Variants in RBMS1 observed in about 807,000 individuals in gnomAD.
RBMS1 encodes RNA-binding motif, single-stranded-interacting protein 1.
Under a neutral mutation model 62.3 loss-of-function variants are expected in RBMS1, and 17 were observed. The observed-to-expected ratio is 0.27, with a 90% confidence interval of 0.19 to 0.41. The LOEUF (loss-of-function observed/expected upper bound fraction) is 0.41. RBMS1 is among the 10% of genes least tolerant of loss of function. RBMS1 has a pLI of 1.00. For synonymous variants in RBMS1, 172 were observed against 170.0 expected (o/e 1.01, Z -0.09); for missense variants, 334 against 504.5 (o/e 0.66, Z 3.24).
At chr2:160,317,832 TC>T (rs1245167647) in intron 3 of RBMS1, among the ~76,000 whole-genome samples, 1 of 152,224 alleles carries the variant, frequency 6.6e-6, no homozygotes, top group East Asian at 1.9e-4. Context: ...AGTAAGCAGC[TC>T]TAATCTCCTC....
intron 1 of RBMS1, among the ~76,000 whole-genome samples, chr2:160,396,550 C>CTTTTTTTTTTTTT (rs59600753): frequency 5.0e-4 from 39 of 77,852 alleles, no homozygotes; most frequent in Non-Finnish European, 6.1e-4. Context: ...TTCTTTTTAT[C>CTTTTTTTTTTTTT]TTTTTTTTTT....
intron 3 of RBMS1, 128 bp from the exon 4 acceptor site, chr2:160,313,375 G>A (rs952327018): frequency 2.0e-5 from 16 of 807,766 alleles, no homozygotes; most frequent in South Asian, 1.1e-4. Context: ...GAGCTCAGGC[G>A]TTAACAGCTG....
intron 1 of RBMS1, among the ~76,000 whole-genome samples, chr2:160,486,419 G>C (rs773782500): frequency 6.6e-6 from 1 of 152,076 alleles, no homozygotes; most frequent in Non-Finnish European, 1.5e-5. Context: ...AATGGGTCTG[G>C]GAAGATGATG....
In RBMS1 at chr2:160,361,332, CA is replaced by C. The variant is rs1363524958; in HGVS notation, c.251+5883del. ...ACTACAAATCAGGGAGAGCCATTACCAAATCTTGCACACCTATGCTATTTGT... is the reference window on the plus strand; with the variant it reads ...ACTACAAATCAGGGAGAGCCATTACCAATCTTGCACACCTATGCTATTTGT... On this transcript the variant is annotated intron_variant, in intron 2 of 13. Coordinates refer to ENST00000348849, the MANE Select transcript of RBMS1 (RefSeq NM_016836.4). Among the ~76,000 whole-genome samples the C allele has an allele frequency of 3.3e-5, 5 of 152,314 alleles. No individual in the cohort carries two copies. In the East Asian group the frequency reaches 9.6e-4, roughly 29 times the overall value.
intron 1 of RBMS1, among the ~76,000 whole-genome samples, chr2:160,412,882 T>C (rs1696086435): frequency 6.6e-6 from 1 of 152,154 alleles, no homozygotes; most frequent in South Asian, 2.1e-4. Flanking sequence ...ATGAACTTCC[T>C]AAAAGGGGAA....
chr2:160,382,246 A>C (rs538204554), intron 1 of RBMS1, among the ~76,000 whole-genome samples: 1 of 152,336 alleles, frequency 6.6e-6, no homozygotes, highest in South Asian at 2.1e-4. Context: ...GTATCTTAGA[A>C]AGGAGTCTGA....
Position 160,471,717 on chromosome 2 carries a change from A to ATATATATATATATATATATATATG in RBMS1, c.75+21571_75+21572insCATATATATATATATATATATATA, listed in dbSNP as rs1422014155. 9.3e-5 allele frequency among the ~76,000 whole-genome samples: 5 copies of ATATATATATATATATATATATATG among 53,968 alleles called. No individual in the cohort carries two copies. In the East Asian group the frequency reaches 3.3e-3, roughly 36 times the overall value. The allele number at this position is 53,968 out of a possible 152,430, so 35.4% of individuals were successfully genotyped here. On this transcript the variant is annotated intron_variant, in intron 1 of 13. Coordinates refer to ENST00000348849, the MANE Select transcript of RBMS1 (RefSeq NM_016836.4). Reference sequence around the variant, plus strand: ...TATATATATATATATATATATATATAACCTTTCATACATTCTGATTATAAG... The same window carrying ATATATATATATATATATATATATG: ...TATATATATATATATATATATATATATATATATATATATATATATATATGACCTTTCATACATTCTGATTATAAG...
At chr2:160,298,622 G>A (rs558635284) in intron 6 of RBMS1, among the ~76,000 whole-genome samples, 1 of 152,186 alleles carries the variant, frequency 6.6e-6, no homozygotes, top group South Asian at 2.1e-4. Context: ...TCATGGATGA[G>A]TGAGGGGCCA....
chr2:160,393,824 T>G (rs898709537), intron 1 of RBMS1, among the ~76,000 whole-genome samples: 2 of 146,590 alleles, frequency 1.4e-5, no homozygotes, highest in Admixed American at 6.8e-5. Flanking sequence ...AAAAAGAAAA[T>G]AGCCAAGCTT....
chr2:160,320,472 C>T, intron 2 of RBMS1, among the ~76,000 whole-genome samples: 1 of 152,194 alleles, frequency 6.6e-6, no homozygotes, highest in Middle Eastern at 3.4e-3. Context: ...GACCATGTCT[C>T]AAAACAAAAC....
At chr2:160,276,301 G>A (rs1342259513) in intron 12 of RBMS1, among the ~76,000 whole-genome samples, 1 of 151,956 alleles carries the variant, frequency 6.6e-6, no homozygotes, top group African/African-American at 2.4e-5. Flanking sequence ...TGGTAACTGT[G>A]GTTGTCAGTA....
At chr2:160,381,361 T>C (rs1200470391) in intron 1 of RBMS1, among the ~76,000 whole-genome samples, 3 of 152,152 alleles carry the variant, frequency 2.0e-5, no homozygotes, top group Admixed American at 6.5e-5. Flanking sequence ...AATAGTTTAA[T>C]AAGCAAAAAC....
At chr2:160,326,063 T>C (rs764942930) in intron 2 of RBMS1, among the ~76,000 whole-genome samples, 5 of 152,262 alleles carry the variant, frequency 3.3e-5, no homozygotes, top group Admixed American at 6.5e-5. Flanking sequence ...TCCTGGTGTA[T>C]GTAGCTGGAA....
chr2:160,418,852 A>G (rs903431184), intron 1 of RBMS1, among the ~76,000 whole-genome samples: 8 of 152,182 alleles, frequency 5.3e-5, no homozygotes, highest in Non-Finnish European at 1.0e-4. Flanking sequence ...TAACATACCA[A>G]ACTACTGATA....
At chr2:160,416,678 A>G (rs1696224215) in intron 1 of RBMS1, among the ~76,000 whole-genome samples, 1 of 152,164 alleles carries the variant, frequency 6.6e-6, no homozygotes, top group South Asian at 2.1e-4. Flanking sequence ...ATGAAGCCCT[A>G]GAAATATAGA....
intron 1 of RBMS1, among the ~76,000 whole-genome samples, chr2:160,430,088 G>A (rs1682826711): frequency 6.6e-6 from 1 of 152,226 alleles, no homozygotes. Context: ...CAACTGTGAG[G>A]CATGTCAATG....
At chr2:160,360,454 A>C (rs1178511363) in intron 2 of RBMS1, among the ~76,000 whole-genome samples, 2 of 152,180 alleles carry the variant, frequency 1.3e-5, no homozygotes, top group Non-Finnish European at 2.9e-5. Context: ...AATAAACTCC[A>C]AACTAAAATG....
intron 1 of RBMS1, among the ~76,000 whole-genome samples, chr2:160,457,505 G>C (rs1383850497): frequency 6.6e-6 from 1 of 152,190 alleles, no homozygotes. Context: ...TGGTCTTTCT[G>C]ATTCATGTTT....
chr2:160,449,122 G>A (rs562128944), intron 1 of RBMS1, among the ~76,000 whole-genome samples: 1,899 of 151,650 alleles, frequency 0.013, 30 homozygotes, highest in Middle Eastern at 0.045. Flanking sequence ...GGGAAGTGAG[G>A]AGCCCCTCCG....
Sources: gnomAD v4.1 joint callset for allele counts (sites outside exome capture counted in the v4.1 genomes callset) on GRCh38, gnomAD v4.1.1 for gene constraint, MANE v1.5 for transcripts, NCBI Gene and HGNC (gene_info 2026-07-23, HGNC 2026-07-21) for gene names.